Variants in NTNG1 observed in about 807,000 individuals in gnomAD.
The protein encoded by NTNG1 is netrin G1, also known as netrin-G1.
NTNG1 carries 16 observed loss-of-function variants against 54.0 expected under a neutral mutation model. That is an observed-to-expected ratio of 0.30 (90% CI 0.20 to 0.45). The LOEUF (loss-of-function observed/expected upper bound fraction) is 0.45. Ranked by LOEUF, NTNG1 falls within the 20% of genes least tolerant of loss-of-function variation. NTNG1 has a pLI of 1.00. For synonymous variants in NTNG1, 255 were observed against 263.1 expected (o/e 0.97, Z 0.30); for missense variants, 530 against 678.7 (o/e 0.78, Z 2.43).
At chr1:107,468,784 A>T (rs142146907) in intron 7 of NTNG1, among the ~76,000 whole-genome samples, 1 of 152,350 alleles carries the variant, frequency 6.6e-6, no homozygotes, top group East Asian at 1.9e-4. Flanking sequence ...AATAAGAGCT[A>T]ATACATTTTG....
intron 7 of NTNG1, among the ~76,000 whole-genome samples, chr1:107,460,217 C>T (rs1329720312): frequency 2.0e-5 from 3 of 152,112 alleles, no homozygotes; most frequent in Admixed American, 6.6e-5. Context: ...TCAGCTCATG[C>T]CCCGGTGCAA....
intron 1 of NTNG1, among the ~76,000 whole-genome samples, chr1:107,145,846 A>G (rs987104038): frequency 5.9e-5 from 9 of 152,092 alleles, no homozygotes; most frequent in South Asian, 4.1e-4. Flanking sequence ...TGTAATGACC[A>G]TCATTATAAT....
At chr1:107,417,028 A>C (rs1221902378) in intron 5 of NTNG1, among the ~76,000 whole-genome samples, 2 of 152,142 alleles carry the variant, frequency 1.3e-5, no homozygotes, top group Non-Finnish European at 2.9e-5. Context: ...AGTTTTTCAA[A>C]GCTGATCATC....
At chr1:107,199,822 T>TCC (rs973310687) in intron 2 of NTNG1, among the ~76,000 whole-genome samples, 18 of 131,602 alleles carry the variant, frequency 1.4e-4, no homozygotes, top group Middle Eastern at 7.5e-3. Flanking sequence ...TAATGGAATA[T>TCC]CCCTAAGAAA....
intron 2 of NTNG1, among the ~76,000 whole-genome samples, chr1:107,189,106 C>A (rs546896549): frequency 1.3e-5 from 2 of 152,152 alleles, no homozygotes; most frequent in East Asian, 3.9e-4. Context: ...AATCCCAGCA[C>A]TTTGGGAGAC....
chr1:107,241,765 A>G (rs1442984201), intron 2 of NTNG1, among the ~76,000 whole-genome samples: 2 of 152,224 alleles, frequency 1.3e-5, no homozygotes, highest in Non-Finnish European at 2.9e-5. Context: ...TTTGGGGGAT[A>G]ACTTGATGCC....
chr1:107,231,000 G>A (rs181462102), intron 2 of NTNG1, among the ~76,000 whole-genome samples: 2 of 152,270 alleles, frequency 1.3e-5, no homozygotes, highest in East Asian at 3.9e-4. Flanking sequence ...ATGGGAGAGA[G>A]CTTGGACTTT....
chr1:107,432,747 T>C (rs1177075379), intron 6 of NTNG1, among the ~76,000 whole-genome samples: 1 of 152,170 alleles, frequency 6.6e-6, no homozygotes, highest in African/African-American at 2.4e-5. Flanking sequence ...ATATTTAATA[T>C]GATTTTAAAT....
intron 5 of NTNG1, among the ~76,000 whole-genome samples, chr1:107,416,078 A>G (rs1419152349): frequency 2.0e-5 from 3 of 152,188 alleles, no homozygotes; most frequent in Non-Finnish European, 2.9e-5. Context: ...TGATGGCCAA[A>G]TGTTAAAATG....
chr1:107,166,389 C>T (rs1270249277), intron 2 of NTNG1, among the ~76,000 whole-genome samples: 1 of 152,144 alleles, frequency 6.6e-6, no homozygotes, highest in Non-Finnish European at 1.5e-5. Flanking sequence ...TTTCCCAATA[C>T]ATAATATACT....
chr1:107,370,826 G>A (rs1300918103), intron 3 of NTNG1, among the ~76,000 whole-genome samples: 4 of 151,724 alleles, frequency 2.6e-5, no homozygotes, highest in African/African-American at 7.3e-5. Flanking sequence ...AAATTTAATC[G>A]TAAGTATTTT....
In NTNG1 at chr1:107,196,294, G is replaced by A. The variant is rs966237810; in HGVS notation, c.246+47455G>A. Among the ~76,000 whole-genome samples, 12 of 151,918 alleles carry A rather than the reference G, an allele frequency of 7.9e-5. 1 individual carries two copies. The highest frequency in any genetic ancestry group is 7.9e-4 in the Admixed American group (12 of 15,218). ...TGTGGGCAATTTACCTAGGCTCTCT[G>A]AGCCTCAGCTCCCTCCCCACAAAAC... is the stretch of plus-strand genomic sequence containing the variant. On this transcript the variant is annotated intron_variant, in intron 2 of 7. Transcript: ENST00000370068.
At chr1:107,395,712 T>C (rs1672642546) in intron 4 of NTNG1, among the ~76,000 whole-genome samples, 1 of 152,210 alleles carries the variant, frequency 6.6e-6, no homozygotes, top group Admixed American at 6.5e-5. Flanking sequence ...ATTATTTGAA[T>C]GTTTACAGCC....
chr1:107,290,981 A>G (rs887183364), intron 2 of NTNG1, among the ~76,000 whole-genome samples: 1 of 144,754 alleles, frequency 6.9e-6, no homozygotes, highest in African/African-American at 2.7e-5. Flanking sequence ...ATATATATAT[A>G]TATACACACA....
intron 7 of NTNG1, chr1:107,460,517 T>C (rs1348939629): frequency 4.3e-6 from 2 of 465,142 alleles, no homozygotes; most frequent in African/African-American, 2.0e-5. Flanking sequence ...TGGTTTAATA[T>C]TGACTTCTTA....
At chr1:107,447,443 G>A (rs640554) in intron 7 of NTNG1, among the ~76,000 whole-genome samples, 61,066 of 151,820 alleles carry the variant, frequency 0.4, 12,501 homozygotes, top group East Asian at 0.49. Flanking sequence ...TTATTTGGGC[G>A]TACTAGTAAG....
chr1:107,429,487 A>G (rs969768531), intron 5 of NTNG1, among the ~76,000 whole-genome samples: 2 of 152,182 alleles, frequency 1.3e-5, no homozygotes, highest in Non-Finnish European at 2.9e-5. Context: ...ACACCTAGCC[A>G]AGTTCCTGAC....
intron 2 of NTNG1, among the ~76,000 whole-genome samples, chr1:107,149,238 CAT>C (rs1654374066): frequency 6.6e-6 from 1 of 152,234 alleles, no homozygotes; most frequent in South Asian, 2.1e-4. Flanking sequence ...TGTTTCTTCA[CAT>C]ATGTGTATAA....
At position 107,433,023 on chromosome 1, in the gene NTNG1, A is replaced by C. The variant is rs141513764; in HGVS notation, c.1255+2106A>C. On this transcript the variant is annotated intron_variant, in intron 6 of 7. Coordinates refer to ENST00000370068, the MANE Select transcript of NTNG1 (RefSeq NM_001113226.3). ...AGTGTCTGTCTTTTAAATCAGATAA[A>C]CTACAGAAGAAATATGAAAAAGATA... is the stretch of plus-strand genomic sequence containing the variant. 5.7e-3 allele frequency among the ~76,000 whole-genome samples: 873 copies of C among 152,324 alleles called. 12 individuals carry two copies. The highest frequency in any genetic ancestry group is 0.02 in the African/African-American group (834 of 41,588).
Sources: allele counts gnomAD v4.1 joint callset (sites outside exome capture counted in the v4.1 genomes callset), GRCh38; gene constraint gnomAD v4.1.1; transcripts MANE v1.5; gene names NCBI Gene and HGNC (gene_info 2026-07-23, HGNC 2026-07-21).